TMEM233: variants seen among roughly 807,000 people sequenced by gnomAD.
TMEM233 encodes transmembrane protein 233, also known as dispanin subfamily B member 2.
Under a neutral mutation model 11.2 loss-of-function variants are expected in TMEM233, and 6 were observed. The ratio of observed to expected loss-of-function variants is 0.54; its 90% confidence interval spans 0.29 to 1.06. The LOEUF (loss-of-function observed/expected upper bound fraction) is 1.06. Among genes scored for constraint, TMEM233 ranks in the 50% least tolerant of loss-of-function variants. The pLI is 0.08. For missense variants in TMEM233, 127 were observed against 144.7 expected, an observed-to-expected ratio of 0.88 and a Z score of 0.63; for synonymous variants, 59 against 55.8, an observed-to-expected ratio of 1.06 and a Z score of -0.26.
intron 1 of TMEM233, among the ~76,000 whole-genome samples, chr12:119,607,647 C>T (rs2136695539): frequency 6.6e-6 from 1 of 150,622 alleles, no homozygotes; most frequent in East Asian, 1.9e-4. Context: ...GTCACCCTGG[C>T]TCCCAGGCTC....
intron 1 of TMEM233, among the ~76,000 whole-genome samples, chr12:119,604,572 C>A (rs997507767): frequency 6.6e-6 from 1 of 152,038 alleles, no homozygotes; most frequent in African/African-American, 2.4e-5. Context: ...GCATTGTAGA[C>A]CCACCTCTCC....
At chr12:119,599,256 T>G (rs543134798) in intron 1 of TMEM233, among the ~76,000 whole-genome samples, 18 of 152,180 alleles carry the variant, frequency 1.2e-4, no homozygotes, top group African/African-American at 4.1e-4. Context: ...AATAATAACT[T>G]AATTGTAATT....
At chr12:119,611,056 A>G (rs1292063503) in intron 1 of TMEM233, among the ~76,000 whole-genome samples, 3 of 152,136 alleles carry the variant, frequency 2.0e-5, no homozygotes, top group African/African-American at 7.2e-5. Context: ...TGGATATTCT[A>G]TATTGTGTTT....
downstream of TMEM233, among the ~76,000 whole-genome samples, chr12:119,645,172 C>T (rs1372067209): frequency 1.3e-5 from 2 of 152,056 alleles, no homozygotes; most frequent in African/African-American, 2.4e-5. Context: ...GATATAAAAT[C>T]GCTGGCCTCA....
At chr12:119,598,940 G>A (rs891927561) in intron 1 of TMEM233, among the ~76,000 whole-genome samples, 2 of 152,212 alleles carry the variant, frequency 1.3e-5, no homozygotes, top group African/African-American at 4.8e-5. Context: ...TGGTGATGTA[G>A]ATGATGGAAG....
intron 1 of TMEM233, among the ~76,000 whole-genome samples, chr12:119,607,800 G>T (rs1422734412): frequency 6.6e-6 from 1 of 151,806 alleles, no homozygotes; most frequent in African/African-American, 2.4e-5. Context: ...TTTCTTGCTG[G>T]TCTCCAAACT....
chr12:119,609,188 G>A (rs1442291199), intron 1 of TMEM233, among the ~76,000 whole-genome samples: 3 of 152,186 alleles, frequency 2.0e-5, no homozygotes, highest in South Asian at 2.1e-4. Context: ...GGGAACTGGA[G>A]TAAAGGTCAC....
chr12:119,615,969 C>A (rs1954523086), intron 1 of TMEM233, among the ~76,000 whole-genome samples: 1 of 152,188 alleles, frequency 6.6e-6, no homozygotes, highest in South Asian at 2.1e-4. Flanking sequence ...GAAATGGTCA[C>A]CGTCACTTCT....
At chr12:119,623,684 A>C (rs1195210383) in intron 1 of TMEM233, among the ~76,000 whole-genome samples, 1 of 152,188 alleles carries the variant, frequency 6.6e-6, no homozygotes, top group Non-Finnish European at 1.5e-5. Flanking sequence ...GTACACCCCA[A>C]AGATTGCAGA....
chr12:119,613,527 G>A (rs540704632), intron 1 of TMEM233, among the ~76,000 whole-genome samples: 1 of 152,284 alleles, frequency 6.6e-6, no homozygotes, highest in East Asian at 1.9e-4. Context: ...AAGATGTCGG[G>A]ACCTGGCTGA....
intron 1 of TMEM233, among the ~76,000 whole-genome samples, chr12:119,602,566 T>C (rs963650435): frequency 3.9e-5 from 6 of 152,206 alleles, no homozygotes; most frequent in African/African-American, 1.4e-4. Flanking sequence ...CAGATACCCA[T>C]AGATTTTGCA....
chr12:119,608,403 T>TC (rs1021470635), intron 1 of TMEM233, among the ~76,000 whole-genome samples: 1 of 151,922 alleles, frequency 6.6e-6, no homozygotes, highest in Non-Finnish European at 1.5e-5. Context: ...ACTTCAAACA[T>TC]CCCCCCCAGA....
the TMEM233 span, among the ~76,000 whole-genome samples, chr12:119,648,836 T>C: frequency 6.6e-6 from 1 of 152,194 alleles, no homozygotes; most frequent in Non-Finnish European, 1.5e-5. Flanking sequence ...AGCTTTATTT[T>C]TACATTGTTA....
the TMEM233 span, among the ~76,000 whole-genome samples, chr12:119,648,777 A>G: frequency 6.6e-6 from 1 of 152,218 alleles, no homozygotes; most frequent in Non-Finnish European, 1.5e-5. Context: ...TTAATGAGGT[A>G]GAGAGAAATG....
At chr12:119,639,145 G>A (rs1566115831) in intron 2 of TMEM233, among the ~76,000 whole-genome samples, 1 of 151,984 alleles carries the variant, frequency 6.6e-6, no homozygotes, top group African/African-American at 2.4e-5. Context: ...TCTCCTTCTG[G>A]TACTTGTTCA....
At chr12:119,632,404 G>T (rs1954902513) in intron 2 of TMEM233, among the ~76,000 whole-genome samples, 3 of 152,160 alleles carry the variant, frequency 2.0e-5, no homozygotes, top group Admixed American at 2.0e-4. Context: ...AAGTCAATAT[G>T]TTCCTGCTAG....
At chr12:119,651,808 AGAGT>A in the TMEM233 span, among the ~76,000 whole-genome samples, 14,266 of 142,816 alleles carry the variant, frequency 0.1, 1,024 homozygotes, top group Non-Finnish European at 0.14. Flanking sequence ...GCCTGGCGAC[AGAGT>A]GAGACTCCGT....
rs897790420 is a variant in TMEM233 at position 119,597,802 on chromosome 12, G to C, written c.186+3768G>C. Among the ~76,000 whole-genome samples the C allele has an allele frequency of 5.3e-5, 8 of 152,188 alleles. 1 individual carries two copies. Among genetic ancestry groups the C allele is most frequent in the Admixed American group, 1.3e-4 (2 of 15,284 alleles). On this transcript the variant is annotated intron_variant, in intron 1 of 2. Coordinates refer to ENST00000426426, the MANE Select transcript of TMEM233 (RefSeq NM_001136534.3). ...AGAAGTGTTTCTTCCTCTATATATT[G>C]AAAGTCTGTTTATTGAAAGCATACT...
At chr12:119,648,142 C>G in the TMEM233 span, among the ~76,000 whole-genome samples, 3 of 152,138 alleles carry the variant, frequency 2.0e-5, no homozygotes, top group Non-Finnish European at 4.4e-5. Context: ...CAACCTAACC[C>G]CCATCTCTAA....
Sources: gnomAD v4.1 joint callset for allele counts (sites outside exome capture counted in the v4.1 genomes callset) on GRCh38, gnomAD v4.1.1 for gene constraint, MANE v1.5 for transcripts, NCBI Gene and HGNC (gene_info 2026-07-23, HGNC 2026-07-21) for gene names.